Variants in FASN observed in about 807,000 individuals in gnomAD.
The protein encoded by FASN is 3-hydroxyacyl-[acyl-carrier-protein] dehydratase.
A neutral mutation model predicts 250.0 loss-of-function variants in FASN; 50 were observed. The ratio of observed to expected loss-of-function variants is 0.20; its 90% CI spans 0.16 to 0.25. The LOEUF is 0.25. Among genes scored for constraint, FASN ranks in the 10% least tolerant of loss-of-function variants. The pLI is 1.00. For missense variants in FASN, 3,031 were observed against 3,498.5 expected (o/e 0.87, Z 3.37); for synonymous variants, 1,909 against 1,584.0 (o/e 1.21, Z -4.87).
Position 82,087,173 on chromosome 17 carries a change from C to G in FASN, c.3304G>C (p.Ala1102Pro). 1 of 1,609,350 alleles carries G rather than the reference C, an allele frequency of 6.2e-7. No individual in the cohort carries two copies. Among genetic ancestry groups the G allele is most frequent in the South Asian group, 1.1e-5 (1 of 90,478 alleles). Residue 1102 changes from alanine to proline, a missense_variant, in exon 21 of 43, where the codon GCC becomes CCC. Physicochemically the swap from Ala to Pro is conservative, Grantham distance 27 (BLOSUM62 -1). Transcript: ENST00000306749. ...TGCTGCTCCTGCTGCCGCCGCGGGGCCGACTCAGTGTGGAGCCCGGAGATG... is the reference window on the plus strand; with the variant it reads ...TGCTGCTCCTGCTGCCGCCGCGGGGGCGACTCAGTGTGGAGCCCGGAGATG... ...VHISGLHTES[A>P]PRRQQEQQVP...
At chr17:82,093,807 C>T in intron 3 of FASN, 36 bp from the exon 4 acceptor site, 1 of 1,606,562 alleles carries the variant, frequency 6.2e-7, no homozygotes, top group African/African-American at 1.3e-5. Flanking sequence ...CACGGCCGGG[C>T]CCCACAGCGC....
Position 82,084,960 on chromosome 17 carries a change from G to A in FASN, c.4410-7C>T. The A allele has an allele frequency of 2.6e-6, 4 of 1,563,108 alleles. No homozygotes were observed. The highest frequency in any genetic ancestry group is 3.5e-6 in the Non-Finnish European group (4 of 1,153,904). On this transcript the variant is annotated splice_region_variant and splice_polypyrimidine_tract_variant and intron_variant, in intron 25 of 42. Coordinates refer to ENST00000306749, the MANE Select transcript of FASN (RefSeq NM_004104.5). ...GTTGGAGAGCAGCACACACCTGGGG[G>A]CAGAGGCGGGGAGCTCAGGCTGGGG...
At position 82,079,272 on chromosome 17, in the gene FASN, G is replaced by A. The variant is rs144413151; in HGVS notation, c.7407C>T (p.Asp2469=). The A allele has an allele frequency of 2.1e-4, 345 of 1,613,056 alleles. No homozygotes were observed. The highest frequency in any genetic ancestry group is 1.0e-3 in the Admixed American group (61 of 60,032). The change falls in exon 43 of 43, where the codon GAC becomes GAT. Residue 2469 remains aspartate, a synonymous_variant. Transcript: ENST00000306749. ...CGATGACGTGGACGGATACTTTCCC[G>A]TCGCATACCTGCAGGGGATGCGATC... ...GADYNLSQVC[D]GKVSVHVIEG...
rs1232504463 is a variant in FASN, at chr17:82,091,666, G to A, written c.1048C>T (p.His350Tyr). The change falls in exon 9 of 43, where the codon CAC (histidine) becomes TAC (tyrosine). Residue 350 changes from histidine to tyrosine, a missense_variant. Physicochemically the swap from His to Tyr is moderately conservative, Grantham distance 83. Coordinates refer to ENST00000306749, the MANE Select transcript of FASN (RefSeq NM_004104.5). ...ALAKVLLSLE[H>Y]GLWAPNLHFH... ...TGCAGGTTGGGGGCCCAGAGCCCGT[G>A]CTCCAGGGACAGCAGCACCTGCGGG... 5.7e-6 allele frequency: 9 copies of A among 1,588,684 alleles called. No homozygotes were observed. The highest frequency in any genetic ancestry group is 7.7e-6 in the Non-Finnish European group (9 of 1,168,874).
rs886417834 is a variant in FASN at position 82,089,041 on chromosome 17, C to T, written c.2232G>A (p.Leu744=). ...YNVNNLVSPV[L]FQEALWHVPE... is the part of the protein sequence containing the mutation. ...GCACGTGCCACAGGGCCTCCTGGAACAGCACAGGGCTCACCAGGTTGTTGA... is the reference window on the plus strand; with the variant it reads ...GCACGTGCCACAGGGCCTCCTGGAATAGCACAGGGCTCACCAGGTTGTTGA... The change falls in exon 14 of 43, where the codon CTG becomes CTA. Residue 744 remains leucine, a synonymous_variant. Coordinates refer to ENST00000306749, the MANE Select transcript of FASN (RefSeq NM_004104.5). The T allele has an allele frequency of 6.2e-7, 1 of 1,604,884 alleles. No individual in the cohort carries two copies. Among genetic ancestry groups the T allele is most frequent in the Non-Finnish European group, 8.5e-7 (1 of 1,176,454 alleles).
rs2034199616 is a variant in FASN, at chr17:82,091,206, CAG to C, written c.1492+14_1492+15del. 1 of 1,600,692 alleles carries C rather than the reference CAG, an allele frequency of 6.2e-7. No individual in the cohort carries two copies. Among genetic ancestry groups the C allele is most frequent in the Non-Finnish European group, 8.5e-7 (1 of 1,176,938 alleles). ...CCCAGGGAAGGGACCACCTTGGGGG[CAG>C]AGTGTGGGCTCACCAGAGCAGATGA... On this transcript the variant is annotated intron_variant, in intron 9 of 42. Coordinates refer to ENST00000306749, the MANE Select transcript of FASN (RefSeq NM_004104.5).
Position 82,086,413 on chromosome 17 carries a change from G to A in FASN, c.3573C>T (p.Asn1191=), listed in dbSNP as rs758512736. 44 of 1,611,122 alleles carry A rather than the reference G, an allele frequency of 2.7e-5. No homozygotes were observed. The highest frequency in any genetic ancestry group is 2.3e-4 in the South Asian group (21 of 91,072). Residue 1191 remains asparagine, a synonymous_variant, in exon 22 of 43, where the codon AAC becomes AAT. Transcript: ENST00000306749. Reference sequence around the variant, plus strand: ...GCGCCAGCTCCAGCTGCAGGTTCCCGTTGAGCTGAAGCCTGCAGGCAGCCG... The same window carrying A: ...GCGCCAGCTCCAGCTGCAGGTTCCCATTGAGCTGAAGCCTGCAGGCAGCCG... ...LLSAACRLQL[N]GNLQLELAQV... is the part of the protein sequence containing the mutation.
chr17:82,078,618 C>A lies in FASN; in HGVS notation c.*525G>T. 1 of 194,986 alleles carries A rather than the reference C, an allele frequency of 5.1e-6. No individual in the cohort carries two copies. Among genetic ancestry groups the A allele is most frequent in the Non-Finnish European group, 1.1e-5 (1 of 93,826 alleles). 12.1% of individuals were successfully genotyped at this position (194,986 alleles called of 1,614,324 possible). A position where few individuals can be genotyped will look rare whatever the true frequency, so the allele number is the denominator to read the frequency against. On this transcript the variant is annotated 3_prime_UTR_variant, in exon 43 of 43. Coordinates refer to ENST00000306749, the MANE Select transcript of FASN (RefSeq NM_004104.5). The surrounding 1 kb of genome is among the most constrained non-coding windows in gnomAD (Gnocchi z 5.4). ...GTGCCTGTGCAGGGGCCCAGCTCCTCGGGGACTGGCCCACGACCCCCCACT... is the reference window on the plus strand; with the variant it reads ...GTGCCTGTGCAGGGGCCCAGCTCCTAGGGGACTGGCCCACGACCCCCCACT...
At chr17:82,085,952 C>G in intron 22 of FASN, 81 bp from the exon 23 acceptor site, 1 of 1,424,992 alleles carries the variant, frequency 7.0e-7, no homozygotes, top group Non-Finnish European at 9.3e-7. Context: ...TCCATGAGGC[C>G]TCAGTCTGGC....
At chr17:82,084,748 G>C in intron 26 of FASN, 32 bp from the exon 27 acceptor site, 1 of 1,550,282 alleles carries the variant, frequency 6.5e-7, no homozygotes, top group Non-Finnish European at 8.7e-7. Flanking sequence ...GCTGCTGCGG[G>C]GCCTTCGGGT....
At chr17:82,080,962 A>G in intron 38 of FASN, 40 bp from the exon 39 acceptor site, 1 of 1,542,526 alleles carries the variant, frequency 6.5e-7, no homozygotes, top group Non-Finnish European at 8.8e-7. Context: ...GTCTGGGTGC[A>G]GAGCCCTGGC....
At position 82,087,219 on chromosome 17, in the gene FASN, G is replaced by A; in HGVS notation, c.3258C>T (p.Val1086=). Reference sequence around the variant, plus strand: ...AGATGTGGACGCCTCCGGCCACTGTGACCCTCAGCCACCTGCTCACCACCA... The same window carrying A: ...AGATGTGGACGCCTCCGGCCACTGTAACCCTCAGCCACCTGCTCACCACCA... The part of the protein sequence containing the change: ...ADVVVSRWLR[V]TVAGGVHISG... Residue 1086 remains valine, a synonymous_variant, in exon 21 of 43, where the codon GTC becomes GTT. Coordinates refer to ENST00000306749, the MANE Select transcript of FASN (RefSeq NM_004104.5). The A allele has an allele frequency of 6.2e-7, 1 of 1,608,042 alleles. No homozygotes were observed. The highest frequency in any genetic ancestry group is 8.5e-7 in the Non-Finnish European group (1 of 1,178,426).
At chr17:82,097,443 T>C (rs1296282984) in intron 1 of FASN, 1 of 152,348 alleles carries the variant, frequency 6.6e-6, no homozygotes, top group East Asian at 1.9e-4. Flanking sequence ...CCCTCGGCAG[T>C]GCGGCCTCCC....
At chr17:82,082,238 G>C (rs1181907992) in intron 35 of FASN, 78 bp from the exon 36 acceptor site, 2 of 1,602,744 alleles carry the variant, frequency 1.2e-6, no homozygotes, top group African/African-American at 2.7e-5. Context: ...AAACGCCAGA[G>C]AGGGCTGTCA....
At chr17:82,085,985 G>A in intron 22 of FASN, 114 bp from the exon 23 acceptor site, 1 of 1,335,070 alleles carries the variant, frequency 7.5e-7, no homozygotes, top group Non-Finnish European at 1.0e-6. Flanking sequence ...CCGTCAACCT[G>A]ATGACGGTGC....
intron 17 of FASN, 34 bp from the exon 18 acceptor site, chr17:82,088,068 G>C (rs1331917574): frequency 6.2e-7 from 1 of 1,612,596 alleles, no homozygotes; most frequent in Admixed American, 1.7e-5. Flanking sequence ...TCAGAGGGCA[G>C]CACCCGCCCC....
At chr17:82,092,268 C>T (rs771835566) in intron 8 of FASN, among the ~76,000 whole-genome samples, 187 bp downstream of exon 8, 4 of 152,332 alleles carry the variant, frequency 2.6e-5, no homozygotes, top group South Asian at 2.1e-4. Context: ...AGCCTGGCTA[C>T]GAGCTCTCCC....
rs1260685107 is a variant in FASN, at chr17:82,085,019, G to A, written c.4409+16C>T. ...GCTGGTGGGGAAGGGGAAGTGGTGA[G>A]GGGCCGTGCTCCTACCGGAGGCGGT... On this transcript the variant is annotated intron_variant, in intron 25 of 42. Coordinates refer to ENST00000306749, the MANE Select transcript of FASN (RefSeq NM_004104.5). 3 of 1,601,314 alleles carry A rather than the reference G, an allele frequency of 1.9e-6. No individual in the cohort carries two copies. The highest frequency in any genetic ancestry group is 1.7e-6 in the Non-Finnish European group (2 of 1,174,478).
rs767012490 is a variant in FASN, at chr17:82,093,216, C to T, written c.655+3G>A. 4 of 1,574,860 alleles carry T rather than the reference C, an allele frequency of 2.5e-6. No individual in the cohort carries two copies. The highest frequency in any genetic ancestry group is 3.4e-6 in the Non-Finnish European group (4 of 1,161,214). ...TGCCCTGGCCGCGCAGCCGCACACT[C>T]ACCCGCTGTGTCGAAGGCCTTGCAG... is the stretch of plus-strand genomic sequence containing the variant. On this transcript the variant is annotated splice_donor_region_variant and intron_variant, in intron 5 of 42. Transcript: ENST00000306749.
Sources: allele counts gnomAD v4.1 joint callset (sites outside exome capture counted in the v4.1 genomes callset), GRCh38; gene constraint gnomAD v4.1.1; non-coding constraint Gnocchi (gnomAD v3.1); transcripts MANE v1.5; gene names NCBI Gene and HGNC (gene_info 2026-07-23, HGNC 2026-07-21).